Variants in HPSE2 observed in about 807,000 individuals in gnomAD.
HPSE2 encodes inactive heparanase-2.
In HPSE2, 38 loss-of-function variants were observed where a neutral mutation model predicts 60.5. The ratio of observed to expected loss-of-function variants is 0.63; its 90% CI spans 0.48 to 0.82. The LOEUF (loss-of-function observed/expected upper bound fraction) is 0.82. Ranked by LOEUF, HPSE2 falls within the 40% of genes least tolerant of loss-of-function variation. The pLI is 0.00. For missense variants in HPSE2, 713 were observed against 740.4 expected (o/e 0.96, Z 0.43); for synonymous variants, 295 against 293.2 (o/e 1.01, Z -0.06).
chr10:98,634,275 T>C (rs1290547522), intron 7 of HPSE2, among the ~76,000 whole-genome samples: 4 of 152,194 alleles, frequency 2.6e-5, no homozygotes, highest in Admixed American at 2.6e-4. Flanking sequence ...CAACATGTAT[T>C]GAGCACCTGC....
At chr10:99,270,248 A>G in the HPSE2 span, among the ~76,000 whole-genome samples, 1 of 152,210 alleles carries the variant, frequency 6.6e-6, no homozygotes, top group Non-Finnish European at 1.5e-5. Flanking sequence ...CCAAGACAAG[A>G]AGAGAGAAAA....
chr10:98,864,675 C>A (rs1952544077), intron 3 of HPSE2, among the ~76,000 whole-genome samples: 1 of 152,106 alleles, frequency 6.6e-6, no homozygotes, highest in African/African-American at 2.4e-5. Context: ...CAAACACAAG[C>A]TGCCCTTAAA....
At chr10:98,839,012 T>C (rs1951853724) in intron 3 of HPSE2, among the ~76,000 whole-genome samples, 1 of 152,174 alleles carries the variant, frequency 6.6e-6, no homozygotes, top group Admixed American at 6.5e-5. Context: ...AAAACTGTAA[T>C]AGATCAGTTC....
chr10:99,235,793 G>C lies in HPSE2; in HGVS notation c.10C>G (p.Leu4Val), dbSNP rs1456735842. Residue 4 changes from leucine to valine, a missense_variant, in exon 1 of 12, where the codon CTT becomes GTT. By Grantham distance (32) the Leu-to-Val change is conservative. Transcript: ENST00000370552. ...GGCATGGCTTCAGGGAAGGCACAAA[G>C]CACCCTCATTCAATCCCTCTGATTT... MRV[L>V]CAFPEAMPSS... is the part of the protein sequence containing the mutation. 2.7e-5 allele frequency: 43 copies of C among 1,613,208 alleles called. No individual in the cohort carries two copies. The highest frequency in any genetic ancestry group is 3.5e-5 in the Non-Finnish European group (41 of 1,179,722).
chr10:98,827,620 A>C (rs562938026), intron 3 of HPSE2, among the ~76,000 whole-genome samples: 2 of 152,334 alleles, frequency 1.3e-5, no homozygotes, highest in South Asian at 4.1e-4. Flanking sequence ...ATTTGATTAC[A>C]AAGGGGAAAC....
chr10:98,600,345 G>A (rs183016589), intron 9 of HPSE2, among the ~76,000 whole-genome samples: 55 of 152,258 alleles, frequency 3.6e-4, no homozygotes, highest in East Asian at 2.1e-3. Flanking sequence ...CAAGAAAAGC[G>A]TCAAGAAAGA....
chr10:98,912,916 C>T (rs1358728527), intron 3 of HPSE2, among the ~76,000 whole-genome samples: 2 of 151,944 alleles, frequency 1.3e-5, no homozygotes, highest in African/African-American at 2.4e-5. Context: ...TTTAATTGTA[C>T]ACTTAAAATT....
At chr10:99,110,987 G>A (rs2135678083) in intron 3 of HPSE2, among the ~76,000 whole-genome samples, 1 of 152,202 alleles carries the variant, frequency 6.6e-6, no homozygotes, top group Non-Finnish European at 1.5e-5. Context: ...TAATTTTTAT[G>A]AAAGATATAA....
At chr10:98,749,952 ACACACT>A (rs1395051259) in intron 3 of HPSE2, among the ~76,000 whole-genome samples, 4 of 146,314 alleles carry the variant, frequency 2.7e-5, no homozygotes, top group Non-Finnish European at 4.5e-5. Flanking sequence ...ATATATACAC[ACACACT>A]TACACACACA....
At chr10:98,699,443 C>A (rs1486541082) in intron 5 of HPSE2, among the ~76,000 whole-genome samples, 1 of 96,532 alleles carries the variant, frequency 1.0e-5, no homozygotes. Flanking sequence ...ATTCAACAAC[C>A]CTTCATGCTA....
At chr10:98,841,982 T>G (rs758863928) in intron 3 of HPSE2, among the ~76,000 whole-genome samples, 3 of 151,826 alleles carry the variant, frequency 2.0e-5, no homozygotes, top group Admixed American at 6.6e-5. Flanking sequence ...AAGTTTTGTA[T>G]TTTTTAGTAG....
intron 3 of HPSE2, among the ~76,000 whole-genome samples, chr10:98,859,952 ATT>A (rs1346111604): frequency 6.6e-6 from 1 of 152,158 alleles, no homozygotes; most frequent in African/African-American, 2.4e-5. Flanking sequence ...ATTATAATAT[ATT>A]GTTATAATTG....
intron 9 of HPSE2, among the ~76,000 whole-genome samples, chr10:98,561,429 T>C (rs1191376462): frequency 1.3e-5 from 2 of 152,066 alleles, no homozygotes; most frequent in East Asian, 1.9e-4. Context: ...ACTAAGGATA[T>C]AAAGAAAATT....
chr10:99,235,724 G>C lies in HPSE2; in HGVS notation c.79C>G (p.Leu27Val). 6.2e-7 allele frequency: 1 copy of C among 1,614,068 alleles called. No individual in the cohort carries two copies. The highest frequency in any genetic ancestry group is 8.5e-7 in the Non-Finnish European group (1 of 1,180,012). ...AGATGGAGCAACAGAGCCAAGTAGA[G>C]AGCCCCCGGGGCTAGGCACGCGGGG... ...RPPACLAPGALYLALLLHLSL... is the reference protein window; with the variant it reads ...RPPACLAPGAVYLALLLHLSL... The change falls in exon 1 of 12, where the codon CTC (leucine) becomes GTC (valine). Residue 27 changes from leucine to valine, a missense_variant. Coordinates refer to ENST00000370552, the MANE Select transcript of HPSE2 (RefSeq NM_021828.5).
intron 3 of HPSE2, among the ~76,000 whole-genome samples, chr10:99,045,127 T>C (rs1957826708): frequency 6.6e-6 from 1 of 152,012 alleles, no homozygotes; most frequent in African/African-American, 2.4e-5. Flanking sequence ...AAACCAAACT[T>C]CAATAAAATC....
At chr10:98,506,569 C>T (rs1056059995) in intron 9 of HPSE2, among the ~76,000 whole-genome samples, 4 of 152,136 alleles carry the variant, frequency 2.6e-5, no homozygotes, top group Non-Finnish European at 5.9e-5. Flanking sequence ...GCCTCAGGTT[C>T]CCCCAGTCTC....
Position 98,602,042 on chromosome 10 carries a change from G to C in HPSE2, c.1320+12862C>G, listed in dbSNP as rs143305315. On this transcript the variant is annotated intron_variant, in intron 9 of 11. Coordinates refer to ENST00000370552, the MANE Select transcript of HPSE2 (RefSeq NM_021828.5). ...GAAGGACAGAGGCTTTGCAGGTCGG[G>C]TTGGGGATATAAGTATTCCCAGGAG... Among the ~76,000 whole-genome samples, 254 of 152,302 alleles carry C rather than the reference G, an allele frequency of 1.7e-3. 2 individuals are homozygous for C. The highest frequency in any genetic ancestry group is 7.9e-3 in the South Asian group (38 of 4,824).
At chr10:99,135,415 G>A (rs1004462183) in intron 3 of HPSE2, among the ~76,000 whole-genome samples, 1 of 152,170 alleles carries the variant, frequency 6.6e-6, no homozygotes, top group Non-Finnish European at 1.5e-5. Context: ...ATCATTCTCA[G>A]CACCACATCA....
At chr10:98,546,806 G>T (rs886384527) in intron 9 of HPSE2, among the ~76,000 whole-genome samples, 11 of 150,902 alleles carry the variant, frequency 7.3e-5, no homozygotes, top group African/African-American at 2.7e-4. Flanking sequence ...TGACAAATGG[G>T]ATCTAATTAA....
Sources: allele counts gnomAD v4.1 joint callset (sites outside exome capture counted in the v4.1 genomes callset), GRCh38; gene constraint gnomAD v4.1.1; transcripts MANE v1.5; gene names NCBI Gene and HGNC (gene_info 2026-07-23, HGNC 2026-07-21).